The following DCC variants were observed in gnomAD, a reference collection of about 807,000 sequenced individuals.
DCC encodes netrin receptor DCC.
Under a neutral mutation model 172.5 loss-of-function variants are expected in DCC, and 58 were observed. The ratio of observed to expected loss-of-function variants is 0.34; its 90% confidence interval spans 0.27 to 0.42. DCC has a LOEUF of 0.42. DCC is among the 10% of genes least tolerant of loss of function. DCC has a pLI of 1.00. For missense variants in DCC, 1,740 were observed against 1,791.0 expected, an observed-to-expected ratio of 0.97 and a Z score of 0.51; for synonymous variants, 709 against 644.5, an observed-to-expected ratio of 1.10 and a Z score of -1.52.
At chr18:52,698,547 G>C (rs1303584985) in intron 1 of DCC, among the ~76,000 whole-genome samples, 1 of 151,784 alleles carries the variant, frequency 6.6e-6, no homozygotes. Context: ...GTTCTACCAT[G>C]TTCCCCACTG....
At chr18:52,694,402 G>T (rs950997948) in intron 1 of DCC, among the ~76,000 whole-genome samples, 8 of 151,998 alleles carry the variant, frequency 5.3e-5, no homozygotes, top group Admixed American at 1.3e-4. Flanking sequence ...ATAAAAATCT[G>T]AATTTCAGTT....
Position 52,459,925 on chromosome 18 carries a change from A to G in DCC, c.91+119047A>G, listed in dbSNP as rs532240574. 2.0e-4 allele frequency among the ~76,000 whole-genome samples: 31 copies of G among 151,988 alleles called. No individual in the cohort carries two copies. The South Asian group carries it at 5.0e-3, about 24-fold the overall frequency. ...CACACATATATATACACACATATAT[A>G]TATACACACCACATTTTCTTTATCT... On this transcript the variant is annotated intron_variant, in intron 1 of 28. Transcript: ENST00000442544.
chr18:53,391,875 T>G lies in DCC; in HGVS notation c.2676T>G (p.Ser892Arg). Residue 892 changes from serine (S) to arginine (R), a missense_variant, in exon 17 of 29, where the codon AGT (serine) becomes AGG (arginine). By Grantham distance (110) the Ser-to-Arg change is moderately radical. Around this residue, in one of 2 missense-constraint regions of DCC, gnomAD observed 1,732 missense variants for 1,767.4 expected, o/e 0.98. Coordinates refer to ENST00000442544, the MANE Select transcript of DCC (RefSeq NM_005215.4). ...TVRWRTSFSASAKYKSEDTTS... is the reference protein window; with the variant it reads ...TVRWRTSFSARAKYKSEDTTS... The stretch of plus-strand genomic sequence containing the variant: ...GGTGGAGAACCAGCTTTTCTGCAAG[T>G]GCAAAATACAAGGTGAAGTTCTAAT... 6.3e-7 allele frequency: 1 copy of G among 1,581,250 alleles called. No individual in the cohort carries two copies.
At chr18:52,464,567 A>G (rs1051696437) in intron 1 of DCC, among the ~76,000 whole-genome samples, 1 of 152,232 alleles carries the variant, frequency 6.6e-6, no homozygotes, top group Non-Finnish European at 1.5e-5. Context: ...ATTTGCAATT[A>G]TCTACTTTAC....
chr18:53,321,261 C>T (rs1246893130), intron 13 of DCC, among the ~76,000 whole-genome samples: 1 of 152,132 alleles, frequency 6.6e-6, no homozygotes, highest in South Asian at 2.1e-4. Flanking sequence ...AGGACTTGAT[C>T]ATTTAGTCTG....
intron 7 of DCC, among the ~76,000 whole-genome samples, chr18:53,145,367 C>A (rs2043896449): frequency 6.6e-6 from 1 of 152,062 alleles, no homozygotes; most frequent in Non-Finnish European, 1.5e-5. Context: ...CCCGCCTCGG[C>A]CTCCCGAAGT....
chr18:52,918,142 G>A (rs909009244), intron 3 of DCC, among the ~76,000 whole-genome samples: 9 of 152,092 alleles, frequency 5.9e-5, no homozygotes, highest in African/African-American at 2.2e-4. Flanking sequence ...AAATGACCAT[G>A]TATGTGTCAA....
intron 5 of DCC, among the ~76,000 whole-genome samples, chr18:53,004,333 C>T (rs984244072): frequency 1.3e-5 from 2 of 152,168 alleles, no homozygotes; most frequent in Non-Finnish European, 2.9e-5. Context: ...AGATAGGAAA[C>T]ATCTGCATGT....
intron 7 of DCC, among the ~76,000 whole-genome samples, chr18:53,138,225 G>T (rs1003670151): frequency 7.9e-5 from 12 of 151,990 alleles, no homozygotes; most frequent in African/African-American, 2.9e-4. Flanking sequence ...GTCTCTACAT[G>T]GTGCACCAGG....
intron 7 of DCC, among the ~76,000 whole-genome samples, chr18:53,092,024 T>C (rs2043021126): frequency 9.3e-6 from 1 of 107,468 alleles, no homozygotes; most frequent in Non-Finnish European, 1.9e-5. Context: ...GTGAACTATC[T>C]TTATATGACA....
At chr18:52,963,786 C>T (rs140737759) in intron 5 of DCC, among the ~76,000 whole-genome samples, 2,039 of 150,988 alleles carry the variant, frequency 0.014, 60 homozygotes, top group African/African-American at 0.048. Context: ...TATTATCTGG[C>T]ATACCTTGTT....
At chr18:53,428,315 A>AAAT (rs1568125717) in intron 21 of DCC, among the ~76,000 whole-genome samples, 10,442 of 39,080 alleles carry the variant, frequency 0.27, 1,991 homozygotes, top group Non-Finnish European at 0.38. Flanking sequence ...AGAATATAAT[A>AAAT]TATAATATAA....
intron 26 of DCC, among the ~76,000 whole-genome samples, chr18:53,498,799 G>C (rs188757351): frequency 2.0e-5 from 3 of 152,056 alleles, no homozygotes; most frequent in Non-Finnish European, 2.9e-5. Context: ...AATGATAGTG[G>C]TTATTATTTG....
intron 14 of DCC, among the ~76,000 whole-genome samples, chr18:53,327,858 T>C (rs1361160724): frequency 1.3e-5 from 2 of 152,210 alleles, no homozygotes; most frequent in African/African-American, 4.8e-5. Flanking sequence ...TTCTTGTACT[T>C]TTGATAGGGA....
At position 52,634,839 on chromosome 18, in the gene DCC, A is replaced by G. The variant is rs546575398; in HGVS notation, c.92-117215A>G. Among the ~76,000 whole-genome samples the G allele has an allele frequency of 5.3e-5, 8 of 152,192 alleles. No homozygotes were observed. The South Asian group carries it at 1.7e-3, about 32-fold the overall frequency. On this transcript the variant is annotated intron_variant, in intron 1 of 28. Coordinates refer to ENST00000442544, the MANE Select transcript of DCC (RefSeq NM_005215.4). The stretch of plus-strand genomic sequence containing the variant: ...GAGGTCCTGGGCCTTTGAACTTTGT[A>G]TAACTCTTTCTTCTTAAATCCCTAG...
chr18:52,806,249 C>T (rs368405769), intron 2 of DCC, among the ~76,000 whole-genome samples: 7 of 152,280 alleles, frequency 4.6e-5, no homozygotes, highest in East Asian at 1.9e-4. Flanking sequence ...AGTCCCCATA[C>T]GTGTAAACCT....
chr18:52,600,672 A>C (rs758255065), intron 1 of DCC, among the ~76,000 whole-genome samples: 10 of 152,122 alleles, frequency 6.6e-5, no homozygotes, highest in Non-Finnish European at 1.3e-4. Context: ...TTCTTTAATC[A>C]CTTTCAATAA....
At chr18:52,696,829 T>A (rs2036019518) in intron 1 of DCC, among the ~76,000 whole-genome samples, 1 of 152,194 alleles carries the variant, frequency 6.6e-6, no homozygotes, top group East Asian at 1.9e-4. Context: ...GTCAGGTGAA[T>A]GTCTTGGGAC....
intron 1 of DCC, among the ~76,000 whole-genome samples, chr18:52,520,812 A>T (rs1364592042): frequency 1.3e-5 from 2 of 152,174 alleles, no homozygotes; most frequent in African/African-American, 4.8e-5. Flanking sequence ...ATTGGTTAAA[A>T]GTGCCTTACA....
Sources: gnomAD v4.1 joint callset for allele counts (sites outside exome capture counted in the v4.1 genomes callset) on GRCh38, gnomAD v4.1.1 for gene constraint, gnomAD v4.1.1 regional missense constraint, MANE v1.5 for transcripts, NCBI Gene and HGNC (gene_info 2026-07-23, HGNC 2026-07-21) for gene names.